TLR7: variants seen among roughly 807,000 people sequenced by gnomAD.
TLR7 encodes the protein toll-like receptor 7.
In TLR7, 12 loss-of-function variants were observed where a neutral mutation model predicts 38.3. That is an observed-to-expected ratio of 0.31 (90% CI 0.20 to 0.51). The LOEUF (loss-of-function observed/expected upper bound fraction) is 0.51, where lower values mean the gene tolerates loss of function less well. TLR7 is among the 20% of genes least tolerant of loss of function. TLR7 has a pLI of 0.98. For synonymous variants in TLR7, 285 were observed against 293.8 expected (o/e 0.97, Z 0.31); for missense variants, 504 against 743.4 (o/e 0.68, Z 3.74).
intron 2 of TLR7, among the ~76,000 whole-genome samples, chrX:12,881,792 G>T (rs765906530): frequency 7.4e-4 from 83 of 111,414 alleles, no homozygotes; most frequent in African/African-American, 2.6e-3. Flanking sequence ...TCGGATAAGG[G>T]ATTGAAGACC....
At chrX:12,869,363 A>AT (rs1214950144) in intron 2 of TLR7, among the ~76,000 whole-genome samples, 1 of 111,931 alleles carries the variant, frequency 8.9e-6, no homozygotes, top group Non-Finnish European at 1.9e-5. Context: ...ATGAGACTGG[A>AT]TAAAAAAATG....
rs1426888064 is a variant in TLR7 at position 12,887,180 on chromosome X, C to T, written c.1672C>T (p.His558Tyr). The stretch of plus-strand genomic sequence containing the variant: ...CTCCAACAACCGGCTTGATTTACTC[C>T]ATTCAACAGCATTTGAAGAGCTTCA... ...DFSNNRLDLL[H>Y]STAFEELHKL... The change falls in exon 3 of 3, where the codon CAT becomes TAT. Residue 558 changes from histidine (H) to tyrosine (Y), a missense_variant. Physicochemically the swap from His to Tyr is moderately conservative, Grantham distance 83 (BLOSUM62 2). Transcript: ENST00000380659. The T allele has an allele frequency of 1.7e-6, 2 of 1,211,609 alleles. No individual in the cohort carries two copies. Among genetic ancestry groups the T allele is most frequent in the Non-Finnish European group, 2.2e-6 (2 of 895,443 alleles).
intron 2 of TLR7, among the ~76,000 whole-genome samples, chrX:12,871,516 C>G (rs1445447195): frequency 8.9e-6 from 1 of 112,239 alleles, no homozygotes; most frequent in Non-Finnish European, 1.9e-5. Context: ...TTCAGCCAGG[C>G]AGCCATCCCC....
rs1234091015 is a variant in TLR7 at position 12,889,941 on chromosome X, G to A, written c.*1283G>A. The A allele has an allele frequency of 8.9e-6, 1 of 112,325 alleles. No individual in the cohort carries two copies. Among genetic ancestry groups the A allele is most frequent in the East Asian group, 2.8e-4 (1 of 3,614 alleles). 9.3% of individuals were successfully genotyped at this position (112,325 alleles called of 1,213,427 possible). A position where few individuals can be genotyped will look rare whatever the true frequency, so the allele number is the denominator to read the frequency against. On this transcript the variant is annotated 3_prime_UTR_variant, in exon 3 of 3. Transcript: ENST00000380659. Reference sequence around the variant, plus strand: ...TATGGATTCCTTTCATTTTTTGCTGGAGGATGGGAGAAGAAACCAAAGTTT... The same window carrying A: ...TATGGATTCCTTTCATTTTTTGCTGAAGGATGGGAGAAGAAACCAAAGTTT...
At chrX:12,871,128 A>T (rs1466091709) in intron 2 of TLR7, among the ~76,000 whole-genome samples, 2 of 111,873 alleles carry the variant, frequency 1.8e-5, no homozygotes. Context: ...CCTTTTTTTA[A>T]AAAAAAGCAA....
chrX:12,886,833 T>C lies in TLR7; in HGVS notation c.1325T>C (p.Val442Ala). ...TCACCTTCAGGAGATTCAAGTGAAG[T>C]TGGCTTCTGCTCAAATGCCAGAACT... The part of the protein sequence containing the change: ...KISPSGDSSE[V>A]GFCSNARTSV... Residue 442 changes from valine to alanine, a missense_variant, in exon 3 of 3, where the codon GTT (valine) becomes GCT (alanine). Transcript: ENST00000380659. The C allele has an allele frequency of 8.3e-7, 1 of 1,210,770 alleles. No homozygotes were observed. Among genetic ancestry groups the C allele is most frequent in the Non-Finnish European group, 1.1e-6 (1 of 894,845 alleles).
chrX:12,872,031 T>C (rs179018), intron 2 of TLR7, among the ~76,000 whole-genome samples: 19,885 of 110,248 alleles, frequency 0.18, 1,421 homozygotes, highest in Non-Finnish European at 0.22. Flanking sequence ...TGGGGTGTAG[T>C]GGGTGGGAGA....
At chrX:12,885,274 G>A (rs981815118) in intron 2 of TLR7, among the ~76,000 whole-genome samples, 8 of 112,153 alleles carry the variant, frequency 7.1e-5, no homozygotes, top group Non-Finnish European at 1.5e-4. Flanking sequence ...CTACCCTCTC[G>A]AAAGCTATTT....
At chrX:12,873,396 A>G (rs2042859840) in intron 2 of TLR7, among the ~76,000 whole-genome samples, 1 of 112,382 alleles carries the variant, frequency 8.9e-6, no homozygotes. Flanking sequence ...AACATAAGCT[A>G]TAGTTGAGTG....
At chrX:12,882,629 A>G (rs1185196085) in intron 2 of TLR7, among the ~76,000 whole-genome samples, 1 of 111,943 alleles carries the variant, frequency 8.9e-6, no homozygotes, top group East Asian at 2.8e-4. Context: ...AAATGCTACA[A>G]ATCAAGACAA....
chrX:12,870,810 C>A (rs1388075147), intron 2 of TLR7, among the ~76,000 whole-genome samples: 1 of 112,431 alleles, frequency 8.9e-6, no homozygotes, highest in Non-Finnish European at 1.9e-5. Flanking sequence ...AGTGCTTTTG[C>A]ACTACGATGG....
intron 2 of TLR7, among the ~76,000 whole-genome samples, chrX:12,870,286 T>TTC (rs2042847929): frequency 8.9e-6 from 1 of 111,881 alleles, no homozygotes; most frequent in Non-Finnish European, 1.9e-5. Flanking sequence ...ACTAGAATGC[T>TTC]TCTCACCATG....
At chrX:12,867,381 G>T in intron 1 of TLR7, 100 bp from the exon 2 acceptor site, 1 of 375,780 alleles carries the variant, frequency 2.7e-6, no homozygotes. Context: ...GTAAATAGAT[G>T]TTTCAAACGC....
At chrX:12,869,477 T>C (rs1248679523) in intron 2 of TLR7, among the ~76,000 whole-genome samples, 8 of 110,948 alleles carry the variant, frequency 7.2e-5, no homozygotes, top group African/African-American at 2.6e-4. Flanking sequence ...CTCAGCAAAC[T>C]AACACAGGAA....
At chrX:12,879,027 AGAGCACAACT>A (rs2042882526) in intron 2 of TLR7, among the ~76,000 whole-genome samples, 1 of 112,271 alleles carries the variant, frequency 8.9e-6, no homozygotes, top group East Asian at 2.8e-4. Context: ...AGTTGCAGCC[AGAGCACAACT>A]GTATTTCCTT....
intron 2 of TLR7, among the ~76,000 whole-genome samples, chrX:12,875,632 T>C (rs899336356): frequency 2.7e-5 from 3 of 111,412 alleles, no homozygotes; most frequent in Non-Finnish European, 3.8e-5. Context: ...GTTCTCATGA[T>C]AGTGGATAAG....
intron 2 of TLR7, among the ~76,000 whole-genome samples, chrX:12,884,058 C>T (rs1005867336): frequency 9.0e-6 from 1 of 111,499 alleles, no homozygotes; most frequent in African/African-American, 3.3e-5. Flanking sequence ...CGGCTCACTG[C>T]AACCTCAAAC....
chrX:12,887,407 T>C lies in TLR7; in HGVS notation c.1899T>C (p.Val633=). The change falls in exon 3 of 3, where the codon GTT becomes GTC. Residue 633 remains valine, a synonymous_variant. Transcript: ENST00000380659. ...AATTCAGAGGAAATCACTTAGATGT[T>C]TTATGGAGAGAAGGTGATAACAGAT... ...TLEFRGNHLD[V]LWREGDNRYL... is the part of the protein sequence containing the mutation. 8.3e-7 allele frequency: 1 copy of C among 1,209,966 alleles called. No homozygotes were observed. Among genetic ancestry groups the C allele is most frequent in the South Asian group, 1.8e-5 (1 of 56,881 alleles).
intron 2 of TLR7, among the ~76,000 whole-genome samples, chrX:12,881,078 T>G (rs1207306655): frequency 9.1e-6 from 1 of 109,299 alleles, no homozygotes; most frequent in Non-Finnish European, 1.9e-5. Context: ...AATACAAAAA[T>G]TAGCCAGGCC....
Sources: allele counts gnomAD v4.1 joint callset (sites outside exome capture counted in the v4.1 genomes callset), GRCh38; gene constraint gnomAD v4.1.1; transcripts MANE v1.5; gene names NCBI Gene and HGNC (gene_info 2026-07-23, HGNC 2026-07-21).